Variants in NF2 observed in about 807,000 individuals in gnomAD.
NF2 encodes NF2, moesin-ezrin-radixin like (MERLIN) tumor suppressor, also known as merlin.
A neutral mutation model predicts 83.7 loss-of-function variants in NF2; 8 were observed. The observed-to-expected ratio is 0.10, with a 90% confidence interval of 0.06 to 0.17. NF2 has a LOEUF of 0.17. NF2 is among the 10% of genes least tolerant of loss of function. The pLI, the probability that NF2 is intolerant of heterozygous loss-of-function variation, is 1.00. For synonymous variants in NF2, 266 were observed against 269.6 expected (o/e 0.99, Z 0.13); for missense variants, 533 against 744.4 (o/e 0.72, Z 3.31).
In NF2 at chr22:29,694,179, A is replaced by G. The variant is rs188992030; in HGVS notation, c.1738-573A>G. On this transcript the variant is annotated intron_variant, in intron 15 of 15. Coordinates refer to ENST00000338641, the MANE Select transcript of NF2 (RefSeq NM_000268.4). This position sits in a 1 kb window ranked among gnomAD's most constrained non-coding sequence, Gnocchi z 4.1. The stretch of plus-strand genomic sequence containing the variant: ...CGTTGCCTCCAGCTCATGGAGAGAA[A>G]CACCTTCTCAGCTGCCACGTCATGA... 1.0e-3 allele frequency among the ~76,000 whole-genome samples: 153 copies of G among 152,304 alleles called. No individual in the cohort carries two copies. Among genetic ancestry groups the G allele is most frequent in the Middle Eastern group, 3.4e-3 (1 of 294 alleles).
At chr22:29,681,110 C>G (rs1264033130) in intron 14 of NF2, among the ~76,000 whole-genome samples, 2 of 151,444 alleles carry the variant, frequency 1.3e-5, no homozygotes, top group African/African-American at 4.9e-5. Context: ...AAGCTGGTCT[C>G]CAACTCCTGG....
intron 1 of NF2, among the ~76,000 whole-genome samples, chr22:29,624,496 A>G (rs1037968746): frequency 6.6e-6 from 1 of 152,124 alleles, no homozygotes; most frequent in African/African-American, 2.4e-5. Flanking sequence ...GTGTGAGCCA[A>G]CGTGCCTGGC....
intron 4 of NF2, among the ~76,000 whole-genome samples, chr22:29,651,341 T>C (rs947300168): frequency 9.9e-5 from 15 of 152,230 alleles, no homozygotes; most frequent in African/African-American, 3.4e-4. Flanking sequence ...AATTAGTTTA[T>C]GTCACGAGTA....
chr22:29,670,503 TTG>T (rs131255), intron 10 of NF2, among the ~76,000 whole-genome samples: 2,434 of 146,356 alleles, frequency 0.017, 36 homozygotes, highest in African/African-American at 0.038. Context: ...CTTTTTGAGC[TTG>T]TGTGTGTGTG....
At chr22:29,634,499 T>G (rs1234765363) in intron 1 of NF2, among the ~76,000 whole-genome samples, 1 of 152,204 alleles carries the variant, frequency 6.6e-6, no homozygotes, top group Non-Finnish European at 1.5e-5. Context: ...TTGGCAGCTT[T>G]TGTTTCTCTG....
intron 15 of NF2, among the ~76,000 whole-genome samples, chr22:29,692,870 A>C (rs896264502): frequency 2.0e-5 from 3 of 152,060 alleles, no homozygotes; most frequent in Non-Finnish European, 2.9e-5. Context: ...TCTGCCTGTC[A>C]CCCCACGAGG....
In NF2 at chr22:29,694,032, C is replaced by T. The variant is rs1013773556; in HGVS notation, c.1738-720C>T. On this transcript the variant is annotated intron_variant, in intron 15 of 15. Transcript: ENST00000338641. The surrounding 1 kb of genome is among the most constrained non-coding windows in gnomAD (Gnocchi z 4.1). ...TGCAAACCTCACTATGCCAAGAGCT[C>T]GGTCCCTGATCCACCCCATCCCCTT... Among the ~76,000 whole-genome samples the T allele has an allele frequency of 2.0e-5, 3 of 152,190 alleles. No individual in the cohort carries two copies. The highest frequency in any genetic ancestry group is 1.9e-4 in the East Asian group (1 of 5,188).
At chr22:29,626,786 G>A (rs2065379092) in intron 1 of NF2, among the ~76,000 whole-genome samples, 1 of 152,196 alleles carries the variant, frequency 6.6e-6, no homozygotes, top group Non-Finnish European at 1.5e-5. Flanking sequence ...AGTTGTACTT[G>A]ATGTTTAGGC....
chr22:29,610,744 A>G (rs2064932199), intron 1 of NF2, among the ~76,000 whole-genome samples: 2 of 152,322 alleles, frequency 1.3e-5, no homozygotes, highest in South Asian at 4.1e-4. Flanking sequence ...AAACATTTCA[A>G]GAAAAATTAA....
At chr22:29,685,171 A>C (rs773545086) in intron 15 of NF2, among the ~76,000 whole-genome samples, 4 of 151,804 alleles carry the variant, frequency 2.6e-5, no homozygotes, top group Non-Finnish European at 5.9e-5. Context: ...AGGCTGGTAC[A>C]TTCTCGGCTC....
chr22:29,646,036 ATC>A (rs1200422071), intron 4 of NF2, among the ~76,000 whole-genome samples: 1 of 152,236 alleles, frequency 6.6e-6, no homozygotes, highest in Admixed American at 6.5e-5. Context: ...GTTAAAGGAT[ATC>A]TGATTATAAT....
chr22:29,669,882 G>GA (rs1360635462), intron 10 of NF2, among the ~76,000 whole-genome samples: 1 of 152,208 alleles, frequency 6.6e-6, no homozygotes, highest in Non-Finnish European at 1.5e-5. Flanking sequence ...CAGATGAAGG[G>GA]ACGTATATTA....
chr22:29,675,574 A>G (rs923206653), intron 13 of NF2, among the ~76,000 whole-genome samples: 1 of 151,686 alleles, frequency 6.6e-6, no homozygotes, highest in Non-Finnish European at 1.5e-5. Context: ...AGGTGCCTAG[A>G]GGAGGAGGAC....
chr22:29,665,959 G>GTCA (rs2066611085), intron 9 of NF2, among the ~76,000 whole-genome samples: 1 of 151,956 alleles, frequency 6.6e-6, no homozygotes, highest in Non-Finnish European at 1.5e-5. Context: ...ACCATTCAAT[G>GTCA]TCATATGTTT....
chr22:29,612,951 C>G (rs1012853540), intron 1 of NF2, among the ~76,000 whole-genome samples: 1 of 151,804 alleles, frequency 6.6e-6, no homozygotes. Context: ...CAAAATTAGC[C>G]GGGTGTGGTG....
At position 29,673,394 on chromosome 22, in the gene NF2, G is replaced by T; in HGVS notation, c.1248G>T (p.Ala416=). ...AAATGCAGCGCATCAAGGCCACAGC[G>T]ATTCGCACGGAGGAGGAGAAGCGCC... is the stretch of plus-strand genomic sequence containing the variant. ...EQEMQRIKAT[A]IRTEEEKRLM... is the part of the protein sequence containing the mutation. Residue 416 remains alanine (A), a synonymous_variant, in exon 12 of 16, where the codon GCG becomes GCT. Coordinates refer to ENST00000338641, the MANE Select transcript of NF2 (RefSeq NM_000268.4). 1 of 1,612,166 alleles carries T rather than the reference G, an allele frequency of 6.2e-7. No homozygotes were observed. Among genetic ancestry groups the T allele is most frequent in the Admixed American group, 1.7e-5 (1 of 59,766 alleles).
At chr22:29,608,207 CAA>C (rs2064853838) in intron 1 of NF2, among the ~76,000 whole-genome samples, 1 of 116,130 alleles carries the variant, frequency 8.6e-6, no homozygotes, top group African/African-American at 3.2e-5. Flanking sequence ...AGTACAATAA[CAA>C]ATTTAAAAAT....
chr22:29,672,186 C>T (rs1307390588), intron 11 of NF2, among the ~76,000 whole-genome samples: 1 of 152,208 alleles, frequency 6.6e-6, no homozygotes, highest in East Asian at 1.9e-4. Context: ...CAGGGCTTCT[C>T]AGCCTGGGCA....
At chr22:29,661,929 T>C (rs1481492123) in intron 8 of NF2, among the ~76,000 whole-genome samples, 1 of 152,210 alleles carries the variant, frequency 6.6e-6, no homozygotes, top group African/African-American at 2.4e-5. Context: ...ATTATATAAA[T>C]AAGTATATTA....
Sources: gnomAD v4.1 joint callset for allele counts (sites outside exome capture counted in the v4.1 genomes callset) on GRCh38, gnomAD v4.1.1 for gene constraint, Gnocchi (gnomAD v3.1) non-coding constraint, MANE v1.5 for transcripts, NCBI Gene and HGNC (gene_info 2026-07-23, HGNC 2026-07-21) for gene names.